PCDHA3: variants seen among roughly 807,000 people sequenced by gnomAD.
PCDHA3 encodes the protein protocadherin alpha-3.
Under a neutral mutation model 62.2 loss-of-function variants are expected in PCDHA3, and 41 were observed. The observed-to-expected ratio is 0.66, with a 90% confidence interval of 0.51 to 0.86. The LOEUF (loss-of-function observed/expected upper bound fraction) is 0.86, where lower values mean the gene tolerates loss of function less well. PCDHA3 is among the 40% of genes least tolerant of loss of function. PCDHA3 has a pLI of 0.00. For synonymous variants in PCDHA3, 640 were observed against 555.4 expected, an observed-to-expected ratio of 1.15 and a Z score of -2.14; for missense variants, 1,304 against 1,241.2, an observed-to-expected ratio of 1.05 and a Z score of -0.76.
chr5:140,952,948 A>AG (rs1177459807), intron 1 of PCDHA3, among the ~76,000 whole-genome samples: 39 of 152,028 alleles, frequency 2.6e-4, no homozygotes, highest in African/African-American at 8.5e-4. Context: ...GAGAGAGAGA[A>AG]GGGGGAAGTG....
At chr5:140,860,807 G>C (rs907238053) in intron 1 of PCDHA3, 3 of 152,116 alleles carry the variant, frequency 2.0e-5, no homozygotes. Context: ...GCACGATCTC[G>C]GCTCACTGCA....
chr5:140,994,377 G>C (rs1260163825), intron 3 of PCDHA3, among the ~76,000 whole-genome samples: 3 of 152,098 alleles, frequency 2.0e-5, no homozygotes, highest in Non-Finnish European at 4.4e-5. Context: ...GGAAATTCAG[G>C]GGACTAAGTC....
rs1763929295 is a variant in PCDHA3 at position 140,807,415 on chromosome 5, G to A, written c.2394+3824G>A. The A allele has an allele frequency of 1.9e-6, 3 of 1,591,566 alleles. No homozygotes were observed. In the Admixed American group the frequency reaches 5.2e-5, roughly 28 times the overall value. ...CCAAGGGCCGCGGAGGCCTTCTGGA[G>A]GTAAATCTGCAGAATGGCATTTTGT... On this transcript the variant is annotated intron_variant, in intron 1 of 3. Coordinates refer to ENST00000522353, the MANE Select transcript of PCDHA3 (RefSeq NM_018906.3).
intron 1 of PCDHA3, chr5:140,870,868 G>A (rs550915753): frequency 1.2e-6 from 2 of 1,613,944 alleles, no homozygotes; most frequent in Non-Finnish European, 1.7e-6. Flanking sequence ...TGCGGGCCAC[G>A]TGGTGGCGAA....
At chr5:140,971,419 G>A (rs1554233321) in intron 1 of PCDHA3, among the ~76,000 whole-genome samples, 1 of 152,140 alleles carries the variant, frequency 6.6e-6, no homozygotes. Context: ...TGGAAATCCA[G>A]TGAAGAACCC....
intron 1 of PCDHA3, among the ~76,000 whole-genome samples, chr5:140,925,287 A>G (rs905857397): frequency 4.7e-4 from 72 of 152,294 alleles, no homozygotes; most frequent in African/African-American, 1.7e-3. Context: ...TGCCTTTCAA[A>G]TGTTTCATTA....
intron 1 of PCDHA3, chr5:140,877,006 G>A: frequency 6.2e-7 from 1 of 1,612,484 alleles, no homozygotes; most frequent in Non-Finnish European, 8.5e-7. Flanking sequence ...GTCGGTGCAC[G>A]CGGAGAGCGG....
chr5:140,911,778 A>G (rs2075636196), intron 1 of PCDHA3, among the ~76,000 whole-genome samples: 1 of 152,228 alleles, frequency 6.6e-6, no homozygotes, highest in Admixed American at 6.5e-5. Flanking sequence ...TACAGTCCTT[A>G]GCATTTTTGG....
intron 3 of PCDHA3, among the ~76,000 whole-genome samples, chr5:140,990,479 G>A (rs1227837227): frequency 3.3e-5 from 5 of 152,184 alleles, no homozygotes; most frequent in Non-Finnish European, 5.9e-5. Context: ...GTATCAAGCT[G>A]AATAGTGAGG....
rs782740358 is a variant in PCDHA3 at position 140,801,212 on chromosome 5, G to A, written c.15G>A (p.Trp5Ter). MLFS[W>*]REDPGAQCLL... is the part of the protein sequence containing the mutation. Reference sequence around the variant, plus strand: ...AAATACTTGCAATGTTGTTCTCCTGGCGAGAAGATCCTGGAGCCCAGTGCC... The same window carrying A: ...AAATACTTGCAATGTTGTTCTCCTGACGAGAAGATCCTGGAGCCCAGTGCC... Residue 5 changes from tryptophan to a stop codon, truncating the protein, a stop_gained, in exon 1 of 4, where the codon TGG (tryptophan) becomes TGA (stop). Transcript: ENST00000522353. LOFTEE classifies it high-confidence loss of function. The A allele has an allele frequency of 1.2e-6, 2 of 1,605,828 alleles. No homozygotes were observed. The highest frequency in any genetic ancestry group is 2.2e-5 in the East Asian group (1 of 44,728).
chr5:140,863,382 C>A, intron 1 of PCDHA3: 1 of 1,056,944 alleles, frequency 9.5e-7, no homozygotes. Context: ...TCACCGAGAG[C>A]TCGTGCATGC....
intron 1 of PCDHA3, among the ~76,000 whole-genome samples, chr5:140,942,981 G>A (rs1242135518): frequency 6.6e-6 from 1 of 152,048 alleles, no homozygotes; most frequent in Non-Finnish European, 1.5e-5. Context: ...TTGGGGCTGG[G>A]TGTGGTGGCT....
Position 140,883,886 on chromosome 5 carries a change from T to G in PCDHA3, c.2394+80295T>G, listed in dbSNP as rs147704126. ...GCAGTTCCAGGTGAGCGCGCGCGAC[T>G]CTGGCGTGCCGCCTCTGGGCAGCAA... On this transcript the variant is annotated intron_variant, in intron 1 of 3. Transcript: ENST00000522353. The G allele has an allele frequency of 2.5e-5, 41 of 1,613,036 alleles. No homozygotes were observed. The African/African-American group carries it at 2.7e-4, about 11-fold the overall frequency.
intron 1 of PCDHA3, among the ~76,000 whole-genome samples, chr5:140,941,256 T>TTTCTTTCTTTCTTTCA (rs2092982969): frequency 2.2e-5 from 1 of 45,974 alleles, no homozygotes. Flanking sequence ...TCTTTCTTTC[T>TTTCTTTCTTTCTTTCA]CTTTCTTTCT....
chr5:140,835,417 A>T (rs1554134958), intron 1 of PCDHA3: 19 of 1,613,960 alleles, frequency 1.2e-5, no homozygotes, highest in Non-Finnish European at 1.5e-5. Flanking sequence ...GATGTAAATG[A>T]CAATGCTCCA....
intron 1 of PCDHA3, chr5:140,966,833 C>G: frequency 2.6e-6 from 4 of 1,563,480 alleles, no homozygotes; most frequent in Non-Finnish European, 3.5e-6. Flanking sequence ...CATGCCCTGG[C>G]TGCTGCTACT....
At chr5:140,893,380 C>A (rs1554185596) in intron 1 of PCDHA3, among the ~76,000 whole-genome samples, 1 of 152,130 alleles carries the variant, frequency 6.6e-6, no homozygotes, top group African/African-American at 2.4e-5. Context: ...ATTTATGGGA[C>A]AGTGGCTCAT....
At chr5:140,845,035 G>A (rs1427311138) in intron 1 of PCDHA3, among the ~76,000 whole-genome samples, 3 of 149,148 alleles carry the variant, frequency 2.0e-5, no homozygotes, top group Middle Eastern at 3.4e-3. Context: ...GCATATTTTA[G>A]CCCCCTTGTC....
chr5:140,956,189 A>C (rs2095264873), intron 1 of PCDHA3, among the ~76,000 whole-genome samples: 1 of 152,142 alleles, frequency 6.6e-6, no homozygotes, highest in South Asian at 2.1e-4. Context: ...ACTATGCTGA[A>C]TAGGAGTGGT....
Sources: gnomAD v4.1 joint callset for allele counts (sites outside exome capture counted in the v4.1 genomes callset) on GRCh38, gnomAD v4.1.1 for gene constraint, MANE v1.5 for transcripts, NCBI Gene and HGNC (gene_info 2026-07-23, HGNC 2026-07-21) for gene names.